The following HCK variants were observed in gnomAD, a reference collection of about 807,000 sequenced individuals.
The protein encoded by HCK is HCK proto-oncogene, Src family tyrosine kinase.
A neutral mutation model predicts 70.4 loss-of-function variants in HCK; 40 were observed. The ratio of observed to expected loss-of-function variants is 0.57; its 90% CI spans 0.44 to 0.74. The LOEUF is 0.74. HCK is among the 30% of genes least tolerant of loss of function. HCK has a pLI of 0.00. For synonymous variants in HCK, 245 were observed against 263.2 expected, an observed-to-expected ratio of 0.93 and a Z score of 0.67; for missense variants, 568 against 697.2, an observed-to-expected ratio of 0.81 and a Z score of 2.09.
At chr20:32,080,661 C>A (rs1403900117) in intron 6 of HCK, among the ~76,000 whole-genome samples, 2 of 152,092 alleles carry the variant, frequency 1.3e-5, no homozygotes, top group Non-Finnish European at 2.9e-5. Flanking sequence ...GCTGACTAAT[C>A]TTTTCTTTCT....
chr20:32,062,503 C>T (rs1248438094), intron 1 of HCK, among the ~76,000 whole-genome samples: 2 of 152,156 alleles, frequency 1.3e-5, no homozygotes, highest in African/African-American at 2.4e-5. Flanking sequence ...AGAGCCAGCC[C>T]TATGGCTCAG....
chr20:32,094,121 A>G, intron 11 of HCK, 105 bp downstream of exon 11: 2 of 1,068,084 alleles, frequency 1.9e-6, no homozygotes, highest in Non-Finnish European at 2.8e-6. Flanking sequence ...GGACTGCCCC[A>G]GTACTAGCTG....
intron 10 of HCK, among the ~76,000 whole-genome samples, chr20:32,090,242 C>T (rs1361864337): frequency 6.6e-6 from 1 of 152,164 alleles, no homozygotes; most frequent in Non-Finnish European, 1.5e-5. Context: ...CCACTCTGCC[C>T]GTTTCACAGA....
At chr20:32,063,846 G>A (rs1157960643) in intron 1 of HCK, among the ~76,000 whole-genome samples, 14 of 151,686 alleles carry the variant, frequency 9.2e-5, no homozygotes, top group African/African-American at 1.7e-4. Flanking sequence ...TGAGATATCA[G>A]CTTCAGGCGA....
chr20:32,094,957 C>A (rs2045935443), intron 11 of HCK, among the ~76,000 whole-genome samples: 1 of 152,068 alleles, frequency 6.6e-6, no homozygotes, highest in African/African-American at 2.4e-5. Flanking sequence ...AGAGTAGATG[C>A]CACTTGGTTT....
At chr20:32,079,352 T>C (rs2045675855) in intron 5 of HCK, among the ~76,000 whole-genome samples, 2 of 152,332 alleles carry the variant, frequency 1.3e-5, no homozygotes, top group South Asian at 4.1e-4. Flanking sequence ...TGTATGCTTG[T>C]GAAACCTGCA....
rs143450216 is a variant in HCK, at chr20:32,062,306, C to T, written c.63-9356C>T. On this transcript the variant is annotated intron_variant, in intron 1 of 12. Coordinates refer to ENST00000375852, the MANE Select transcript of HCK (RefSeq NM_002110.5). The stretch of plus-strand genomic sequence containing the variant: ...AATGCAGATTCAAACCCAGCTCTAT[C>T]TGACTTCAAATCTCATGCTCTATTT... 2.4e-3 allele frequency among the ~76,000 whole-genome samples: 361 copies of T among 152,266 alleles called. 3 individuals are homozygous for T. Among genetic ancestry groups the T allele is most frequent in the African/African-American group, 8.4e-3 (347 of 41,552 alleles).
At chr20:32,052,919 G>T (rs1474596374) in intron 1 of HCK, among the ~76,000 whole-genome samples, 1 of 152,080 alleles carries the variant, frequency 6.6e-6, no homozygotes, top group East Asian at 1.9e-4. Context: ...AGCCAGCTTG[G>T]GGAAGGGGGT....
At chr20:32,057,581 C>T (rs908633874) in intron 1 of HCK, among the ~76,000 whole-genome samples, 2 of 152,136 alleles carry the variant, frequency 1.3e-5, no homozygotes, top group African/African-American at 4.8e-5. Flanking sequence ...GCCTGGGTGA[C>T]AGAGCAAGAC....
At chr20:32,057,876 C>A (rs190353411) in intron 1 of HCK, among the ~76,000 whole-genome samples, 70 of 152,154 alleles carry the variant, frequency 4.6e-4, no homozygotes, top group Admixed American at 2.6e-4. Flanking sequence ...CTTTCAGAGG[C>A]GTGGGTAATG....
At chr20:32,094,789 G>A (rs867377941) in intron 11 of HCK, among the ~76,000 whole-genome samples, 781 of 19,020 alleles carry the variant, frequency 0.041, 17 homozygotes, top group Non-Finnish European at 0.075. Flanking sequence ...GAGAGAAAGA[G>A]AAAGAAAGAA....
At chr20:32,060,775 T>C (rs4911541) in intron 1 of HCK, among the ~76,000 whole-genome samples, 87,566 of 151,950 alleles carry the variant, frequency 0.58, 27,063 homozygotes, top group East Asian at 0.71. Context: ...CCCATAGCAT[T>C]AAATGTGCAA....
intron 6 of HCK, 30 bp from the exon 7 acceptor site, chr20:32,083,864 T>C: frequency 6.2e-7 from 1 of 1,613,712 alleles, no homozygotes; most frequent in Non-Finnish European, 8.5e-7. Flanking sequence ...CAAGATGCCA[T>C]TCTGAGGGGT....
chr20:32,066,075 AT>A (rs1353327162), intron 1 of HCK, among the ~76,000 whole-genome samples: 2 of 152,006 alleles, frequency 1.3e-5, no homozygotes, highest in Non-Finnish European at 2.9e-5. Context: ...ACCATATTGC[AT>A]TTCTAAACTC....
intron 1 of HCK, 98 bp downstream of exon 1, chr20:32,052,584 C>A: frequency 2.2e-6 from 2 of 894,862 alleles, no homozygotes; most frequent in Non-Finnish European, 3.0e-6. Flanking sequence ...GCTACGGGTG[C>A]GGCTGGGGGC....
chr20:32,058,827 C>T (rs557304715), intron 1 of HCK, among the ~76,000 whole-genome samples: 1 of 152,276 alleles, frequency 6.6e-6, no homozygotes, highest in Admixed American at 6.5e-5. Flanking sequence ...GTTACCACTG[C>T]GGGCACCTGG....
At position 32,100,012 on chromosome 20, in the gene HCK, G is replaced by A. The variant is rs573520477; in HGVS notation, c.1378+877G>A. Among the ~76,000 whole-genome samples, 37 of 151,312 alleles carry A rather than the reference G, an allele frequency of 2.4e-4. No individual in the cohort carries two copies. The East Asian group carries it at 2.5e-3, about 10-fold the overall frequency. On this transcript the variant is annotated intron_variant, in intron 12 of 12. Coordinates refer to ENST00000375852, the MANE Select transcript of HCK (RefSeq NM_002110.5). ...CTTCCTAGGCTCAAATGATCCTCCC[G>A]CTTCAGCCTCCCGAGTATCTGGGAC...
chr20:32,078,338 C>T (rs916058400), intron 5 of HCK, among the ~76,000 whole-genome samples: 1 of 151,934 alleles, frequency 6.6e-6, no homozygotes, highest in Admixed American at 6.6e-5. Context: ...AGCCACCGCG[C>T]CCAGCCGGGG....
chr20:32,094,767 A>AAGAGAGAG (rs1600744762), intron 11 of HCK, among the ~76,000 whole-genome samples: 4 of 116,742 alleles, frequency 3.4e-5, no homozygotes, highest in African/African-American at 1.4e-4. Flanking sequence ...GAAAGAAGGA[A>AAGAGAGAG]AGAAAGAAAG....
Sources: gnomAD v4.1 joint callset for allele counts (sites outside exome capture counted in the v4.1 genomes callset) on GRCh38, gnomAD v4.1.1 for gene constraint, MANE v1.5 for transcripts, NCBI Gene and HGNC (gene_info 2026-07-23, HGNC 2026-07-21) for gene names.